DAAM2: variants seen among roughly 807,000 people sequenced by gnomAD.
DAAM2 encodes dishevelled associated activator of morphogenesis 2.
A neutral mutation model predicts 120.7 loss-of-function variants in DAAM2; 39 were observed. The ratio of observed to expected loss-of-function variants is 0.32; its 90% CI spans 0.25 to 0.42. The LOEUF is 0.42. Ranked by LOEUF, DAAM2 falls within the 10% of genes least tolerant of loss-of-function variation. DAAM2 has a pLI of 1.00. For missense variants in DAAM2, 1,283 were observed against 1,401.7 expected, an observed-to-expected ratio of 0.92 and a Z score of 1.35; for synonymous variants, 488 against 524.9, an observed-to-expected ratio of 0.93 and a Z score of 0.96.
At chr6:39,800,231 T>C (rs1265528147) in intron 1 of DAAM2, among the ~76,000 whole-genome samples, 1 of 152,150 alleles carries the variant, frequency 6.6e-6, no homozygotes, top group Non-Finnish European at 1.5e-5. Flanking sequence ...TTGCTTTGGC[T>C]CTTAGGCTGC....
At chr6:39,879,630 C>G (rs775630902) in intron 14 of DAAM2, 153 bp downstream of exon 14, 3 of 981,462 alleles carry the variant, frequency 3.1e-6, no homozygotes, top group Non-Finnish European at 4.8e-6. Flanking sequence ...AGTGGGTTTG[C>G]TGTGCCAGGC....
In DAAM2 at chr6:39,807,040, T is replaced by C. The variant is rs1185278766; in HGVS notation, c.-57+14575T>C. Among the ~76,000 whole-genome samples the C allele has an allele frequency of 3.3e-5, 5 of 152,276 alleles. No homozygotes were observed. In the East Asian group the frequency reaches 9.6e-4, roughly 29 times the overall value. ...CTAGGTAAGTCCAGACAAAGTCTAATACATATGGAAAGAAGATATGTTCAG... is the reference window on the plus strand; with the variant it reads ...CTAGGTAAGTCCAGACAAAGTCTAACACATATGGAAAGAAGATATGTTCAG... On this transcript the variant is annotated intron_variant, in intron 1 of 24. Transcript: ENST00000274867.
chr6:39,818,867 T>C (rs9394630), intron 1 of DAAM2: 116,623 of 152,058 alleles, frequency 0.77, 44,977 homozygotes, highest in African/African-American at 0.79. Flanking sequence ...CTGACAAGCC[T>C]CTCCTGAGTG....
chr6:39,864,041 A>G (rs2149299824), intron 3 of DAAM2, among the ~76,000 whole-genome samples: 1 of 152,342 alleles, frequency 6.6e-6, no homozygotes, highest in South Asian at 2.1e-4. Context: ...TATGAGAATG[A>G]GATTATCAGA....
At chr6:39,882,402 G>T (rs1418235704) in intron 14 of DAAM2, 1 of 152,082 alleles carries the variant, frequency 6.6e-6, no homozygotes. Flanking sequence ...AATTCTTCCC[G>T]TGTGAAGCAG....
At chr6:39,794,152 A>C (rs1330089039) in intron 1 of DAAM2, among the ~76,000 whole-genome samples, 1 of 152,192 alleles carries the variant, frequency 6.6e-6, no homozygotes, top group Non-Finnish European at 1.5e-5. Flanking sequence ...AGGAGGAGGA[A>C]ATCATCCCAT....
In DAAM2 at chr6:39,835,835, T is replaced by G. The variant is rs1763081972; in HGVS notation, c.-56-20412T>G. ...GATGCTGACTTGGAAGGGCCCTGTC[T>G]TGGGAGAAGGGAGGGTGGGGAACTG... On this transcript the variant is annotated intron_variant, in intron 1 of 24. Coordinates refer to ENST00000274867, the MANE Select transcript of DAAM2 (RefSeq NM_001201427.2). 2.0e-5 allele frequency among the ~76,000 whole-genome samples: 3 copies of G among 152,254 alleles called. No homozygotes were observed. The South Asian group carries it at 6.2e-4, about 32-fold the overall frequency.
chr6:39,879,243 C>T lies in DAAM2; in HGVS notation c.1611C>T (p.Thr537=). The T allele has an allele frequency of 6.5e-7, 1 of 1,548,418 alleles. No individual in the cohort carries two copies. The highest frequency in any genetic ancestry group is 2.4e-5 in the East Asian group (1 of 41,008). Reference sequence around the variant, plus strand: ...TCACCTTGTCTTCCTCAATGACAACCAATGACCTGCCTCCACCCCCTCCTC... The same window carrying T: ...TCACCTTGTCTTCCTCAATGACAACTAATGACCTGCCTCCACCCCCTCCTC... ...GPLTLSSSMT[T]NDLPPPPPPL... The change falls in exon 14 of 25, where the codon ACC becomes ACT. Residue 537 remains threonine (T), a synonymous_variant. Transcript: ENST00000274867.
chr6:39,810,111 T>G (rs1160048448), intron 1 of DAAM2, among the ~76,000 whole-genome samples: 2 of 152,174 alleles, frequency 1.3e-5, no homozygotes, highest in Non-Finnish European at 2.9e-5. Context: ...TTTAATAAGC[T>G]TCTCGGAAAG....
intron 14 of DAAM2, chr6:39,883,700 A>T: frequency 1.5e-5 from 6 of 401,018 alleles, no homozygotes; most frequent in Admixed American, 3.7e-5. Flanking sequence ...TCCCCCCAGC[A>T]CCCCCCATGA....
Position 39,904,102 on chromosome 6 carries a change from T to A in DAAM2, c.*2065T>A. On this transcript the variant is annotated 3_prime_UTR_variant, in exon 25 of 25. Coordinates refer to ENST00000274867, the MANE Select transcript of DAAM2 (RefSeq NM_001201427.2). ...GGAACAGGGGAGGGCTCCACAAGCG[T>A]GTCTGGCATTCCCACCCACCATGGA... The A allele has an allele frequency of 2.3e-6, 1 of 436,766 alleles. No homozygotes were observed. Among genetic ancestry groups the A allele is most frequent in the Non-Finnish European group, 4.6e-6 (1 of 217,800 alleles). 27.1% of individuals were successfully genotyped at this position (436,766 alleles called of 1,614,324 possible).
intron 15 of DAAM2, chr6:39,886,649 A>G (rs3003942): frequency 0.66 from 259,187 of 392,428 alleles, 87,084 homozygotes; most frequent in African/African-American, 0.81. Flanking sequence ...CCCTGGCAGC[A>G]GTGGAGGTCA....
chr6:39,868,799 G>T, intron 6 of DAAM2, 24 bp from the exon 7 acceptor site: 2 of 1,541,664 alleles, frequency 1.3e-6, no homozygotes, highest in Non-Finnish European at 1.8e-6. Context: ...CTCTCCTCCT[G>T]CTCTGTCCTG....
At chr6:39,877,325 C>T (rs1318490479) in intron 11 of DAAM2, among the ~76,000 whole-genome samples, 2 of 152,280 alleles carry the variant, frequency 1.3e-5, no homozygotes, top group Non-Finnish European at 2.9e-5. Context: ...CAGGGCTTTG[C>T]TTGGTTCCAA....
chr6:39,818,136 G>A (rs150290412), intron 1 of DAAM2, among the ~76,000 whole-genome samples: 4,246 of 145,364 alleles, frequency 0.029, 215 homozygotes, highest in African/African-American at 0.1. Flanking sequence ...CCGAGGTGGC[G>A]TCACTGCACT....
intron 5 of DAAM2, among the ~76,000 whole-genome samples, chr6:39,865,458 G>A (rs1764388901): frequency 6.6e-6 from 1 of 152,236 alleles, no homozygotes; most frequent in African/African-American, 2.4e-5. Context: ...CAGGAAAAGA[G>A]GGACGCACGG....
rs1262178047 is a variant in DAAM2, at chr6:39,901,156, T to C, written c.2812-146T>C. 3.3e-5 allele frequency: 23 copies of C among 707,254 alleles called. No homozygotes were observed. Among genetic ancestry groups the C allele is most frequent in the Non-Finnish European group, 4.9e-5 (20 of 409,780 alleles). 43.8% of individuals were successfully genotyped at this position (707,254 alleles called of 1,614,324 possible). ...GATCCTGATGATGATGGGGGTGTCT[T>C]CTCACCTCTTCCAGCCCTGCCCCCT... On this transcript the variant is annotated intron_variant, in intron 23 of 24. Coordinates refer to ENST00000274867, the MANE Select transcript of DAAM2 (RefSeq NM_001201427.2). The surrounding 1 kb of genome is among the most constrained non-coding windows in gnomAD (Gnocchi z 4.5).
chr6:39,866,019 G>T (rs1764415518), intron 5 of DAAM2, among the ~76,000 whole-genome samples: 1 of 152,194 alleles, frequency 6.6e-6, no homozygotes, highest in Non-Finnish European at 1.5e-5. Context: ...ACAATCAGGA[G>T]CCACCCTTCA....
At chr6:39,811,283 A>G (rs1762153713) in intron 1 of DAAM2, among the ~76,000 whole-genome samples, 1 of 152,036 alleles carries the variant, frequency 6.6e-6, no homozygotes, top group Admixed American at 6.6e-5. Flanking sequence ...TCACGTGGCT[A>G]AAGAAAATGA....
Sources: allele counts gnomAD v4.1 joint callset (sites outside exome capture counted in the v4.1 genomes callset), GRCh38; gene constraint gnomAD v4.1.1; non-coding constraint Gnocchi (gnomAD v3.1); transcripts MANE v1.5; gene names NCBI Gene and HGNC (gene_info 2026-07-23, HGNC 2026-07-21).